The following DPYD variants were observed in gnomAD, a reference collection of about 807,000 sequenced individuals.
DPYD encodes dihydropyrimidine dehydrogenase.
Under a neutral mutation model 116.2 loss-of-function variants are expected in DPYD, and 109 were observed. The ratio of observed to expected loss-of-function variants is 0.94; its 90% CI spans 0.80 to 1.10. The LOEUF is 1.10. DPYD is among the 50% of genes least tolerant of loss of function. DPYD has a pLI of 0.00. For synonymous variants in DPYD, 440 were observed against 432.0 expected, an observed-to-expected ratio of 1.02 and a Z score of -0.23; for missense variants, 1,302 against 1,254.5, an observed-to-expected ratio of 1.04 and a Z score of -0.57.
intron 13 of DPYD, among the ~76,000 whole-genome samples, chr1:97,470,438 T>C (rs1677580232): frequency 6.6e-6 from 1 of 151,944 alleles, no homozygotes; most frequent in South Asian, 2.1e-4. Flanking sequence ...TGTGGCACAA[T>C]ACAAATGATT....
intron 20 of DPYD, among the ~76,000 whole-genome samples, chr1:97,183,262 C>T (rs1413230): frequency 0.98 from 149,268 of 152,222 alleles, 73,204 homozygotes; most frequent in East Asian, 1. Flanking sequence ...TTTTATATCA[C>T]ATATTTAAAA....
chr1:97,617,060 G>A (rs1302913070), intron 8 of DPYD, among the ~76,000 whole-genome samples: 1 of 151,946 alleles, frequency 6.6e-6, no homozygotes, highest in African/African-American at 2.4e-5. Flanking sequence ...AAATTAGCTG[G>A]GCATGGTGGT....
At chr1:97,510,946 A>G (rs1168839966) in intron 13 of DPYD, among the ~76,000 whole-genome samples, 1 of 151,868 alleles carries the variant, frequency 6.6e-6, no homozygotes, top group African/African-American at 2.4e-5. Context: ...ATAGAGAGAA[A>G]AGCTCAGCCA....
chr1:97,764,056 G>T (rs1273790094), intron 3 of DPYD, among the ~76,000 whole-genome samples: 1 of 152,016 alleles, frequency 6.6e-6, no homozygotes, highest in East Asian at 1.9e-4. Context: ...ACCTTTTGTG[G>T]TGAGAAGGAT....
At chr1:97,724,729 A>C (rs1208912573) in intron 4 of DPYD, among the ~76,000 whole-genome samples, 1 of 151,622 alleles carries the variant, frequency 6.6e-6, no homozygotes, top group East Asian at 1.9e-4. Flanking sequence ...ACTCTCACAG[A>C]AACATCCAAG....
intron 14 of DPYD, among the ~76,000 whole-genome samples, chr1:97,443,269 A>T (rs1675902817): frequency 6.6e-6 from 1 of 152,190 alleles, no homozygotes; most frequent in Non-Finnish European, 1.5e-5. Flanking sequence ...ATATTTTTAA[A>T]TGTCCACAAA....
chr1:97,425,365 T>A (rs1482610981), intron 14 of DPYD, among the ~76,000 whole-genome samples: 1 of 152,068 alleles, frequency 6.6e-6, no homozygotes, highest in Non-Finnish European at 1.5e-5. Flanking sequence ...TATTTCAGCA[T>A]AACATTATAA....
chr1:97,556,330 T>TA (rs1376460286), intron 11 of DPYD, among the ~76,000 whole-genome samples: 3 of 151,894 alleles, frequency 2.0e-5, no homozygotes, highest in South Asian at 2.1e-4. Context: ...ATTCCCTTTT[T>TA]TTTTATTTTA....
chr1:97,426,405 C>A (rs1371682299), intron 14 of DPYD, among the ~76,000 whole-genome samples: 1 of 151,918 alleles, frequency 6.6e-6, no homozygotes, highest in African/African-American at 2.4e-5. Flanking sequence ...AAGTAATATA[C>A]CAAAGGTCTC....
chr1:97,430,576 G>A (rs1415768196), intron 14 of DPYD, among the ~76,000 whole-genome samples: 1 of 105,638 alleles, frequency 9.5e-6, no homozygotes, highest in African/African-American at 3.7e-5. Flanking sequence ...GCAGCAGAGT[G>A]AAACTCAGTC....
intron 3 of DPYD, among the ~76,000 whole-genome samples, chr1:97,778,730 A>C (rs1666565156): frequency 6.6e-6 from 1 of 152,168 alleles, no homozygotes; most frequent in Non-Finnish European, 1.5e-5. Flanking sequence ...GGGTGAAGGA[A>C]AAGGTTTTAT....
At chr1:97,896,879 GTA>G (rs931634541) in intron 1 of DPYD, among the ~76,000 whole-genome samples, 44 of 151,934 alleles carry the variant, frequency 2.9e-4, no homozygotes, top group African/African-American at 1.0e-3. Context: ...CATTTTACTT[GTA>G]TATGTGTTAT....
intron 8 of DPYD, among the ~76,000 whole-genome samples, chr1:97,606,513 T>C (rs1418115377): frequency 6.6e-6 from 1 of 151,884 alleles, no homozygotes; most frequent in African/African-American, 2.4e-5. Context: ...ATAAGCTTCA[T>C]ATACAAGGGC....
At position 97,247,713 on chromosome 1, in the gene DPYD, G is replaced by T. The variant is rs572188740; in HGVS notation, c.2300-12719C>A. ...CTAAAAATATAAAAGGATAATAATA[G>T]AACAATATGAGCAATGTCATACAAT... On this transcript the variant is annotated intron_variant, in intron 18 of 22. Transcript: ENST00000370192. Among the ~76,000 whole-genome samples the T allele has an allele frequency of 3.9e-5, 6 of 152,128 alleles. No homozygotes were observed. The South Asian group carries it at 1.0e-3, about 26-fold the overall frequency.
intron 13 of DPYD, among the ~76,000 whole-genome samples, chr1:97,497,332 G>A (rs553355983): frequency 2.0e-5 from 3 of 151,836 alleles, no homozygotes; most frequent in East Asian, 3.9e-4. Flanking sequence ...TTCTTCCAAC[G>A]GCAAAGAACC....
chr1:97,352,360 T>C (rs1055435043), intron 16 of DPYD, among the ~76,000 whole-genome samples: 1 of 152,230 alleles, frequency 6.6e-6, no homozygotes, highest in Non-Finnish European at 1.5e-5. Flanking sequence ...AGTTGCTCAA[T>C]TAATAACTAA....
chr1:97,561,128 CA>C (rs1483502769), intron 11 of DPYD, among the ~76,000 whole-genome samples: 1 of 152,006 alleles, frequency 6.6e-6, no homozygotes, highest in Non-Finnish European at 1.5e-5. Context: ...AGAACAACAA[CA>C]AAAAAGAAAT....
At chr1:97,350,840 T>C (rs1381555021) in intron 16 of DPYD, among the ~76,000 whole-genome samples, 1 of 152,162 alleles carries the variant, frequency 6.6e-6, no homozygotes, top group Non-Finnish European at 1.5e-5. Context: ...CTGTGTGCTT[T>C]TAAAAATGAG....
intron 13 of DPYD, among the ~76,000 whole-genome samples, chr1:97,471,333 C>A (rs34044808): frequency 0.17 from 25,736 of 151,756 alleles, 2,258 homozygotes; most frequent in African/African-American, 0.19. Flanking sequence ...ACAAAGAGTC[C>A]GGGAAGGAGA....
Sources: allele counts gnomAD v4.1 joint callset (sites outside exome capture counted in the v4.1 genomes callset), GRCh38; gene constraint gnomAD v4.1.1; transcripts MANE v1.5; gene names NCBI Gene and HGNC (gene_info 2026-07-23, HGNC 2026-07-21).